ASB4: variants seen among roughly 807,000 people sequenced by gnomAD.
ASB4 encodes ankyrin repeat and SOCS box protein 4.
Under a neutral mutation model 38.6 loss-of-function variants are expected in ASB4, and 35 were observed. The ratio of observed to expected loss-of-function variants is 0.91; its 90% CI spans 0.69 to 1.20. The LOEUF is 1.20. Among genes scored for constraint, ASB4 ranks in the 50% most tolerant of loss-of-function variants. The pLI, the probability that ASB4 is intolerant of heterozygous loss-of-function variation, is 0.00. For missense variants in ASB4, 557 were observed against 527.2 expected, an observed-to-expected ratio of 1.06 and a Z score of -0.55; for synonymous variants, 195 against 201.3, an observed-to-expected ratio of 0.97 and a Z score of 0.26.
At chr7:95,520,027 G>A (rs1341363905) in intron 2 of ASB4, among the ~76,000 whole-genome samples, 3 of 152,152 alleles carry the variant, frequency 2.0e-5, no homozygotes, top group Non-Finnish European at 4.4e-5. Flanking sequence ...GAGATGAAAT[G>A]GGTAGGTTCA....
the ASB4 span, among the ~76,000 whole-genome samples, chr7:95,550,102 C>T: frequency 6.6e-6 from 1 of 152,166 alleles, no homozygotes; most frequent in Admixed American, 6.5e-5. Context: ...CTTTATGAAC[C>T]ATGGTTTACA....
intron 2 of ASB4, among the ~76,000 whole-genome samples, chr7:95,527,451 T>C (rs893735282): frequency 1.1e-4 from 16 of 152,238 alleles, no homozygotes; most frequent in African/African-American, 3.9e-4. Flanking sequence ...TTTAATGATA[T>C]TAGCAAATAT....
the ASB4 span, among the ~76,000 whole-genome samples, chr7:95,547,297 TAAATTCC>T: frequency 2.0e-5 from 3 of 152,222 alleles, no homozygotes; most frequent in Non-Finnish European, 4.4e-5. Context: ...CTCTTTCTAG[TAAATTCC>T]TATCTCCCAC....
chr7:95,490,327 G>A (rs1790153410), intron 1 of ASB4, among the ~76,000 whole-genome samples: 1 of 152,004 alleles, frequency 6.6e-6, no homozygotes, highest in Non-Finnish European at 1.5e-5. Context: ...CCATCCTAGG[G>A]TTCTTTTCCT....
rs752392005 is a variant in ASB4 at position 95,496,047 on chromosome 7, G to C, written c.477G>C (p.Leu159Phe). The C allele has an allele frequency of 1.9e-6, 3 of 1,611,406 alleles. No homozygotes were observed. The highest frequency in any genetic ancestry group is 3.3e-5 in the Admixed American group (2 of 59,964). ...GTTCCATTCTCTGTGCCAAGCAATT[G>C]GTTTGGAGAGGTAAGCCTTTCTGGG... The part of the protein sequence containing the change: ...TPSSILCAKQ[L>F]VWRGANVNMK... Residue 159 changes from leucine (L) to phenylalanine (F), a missense_variant, in exon 2 of 5, where the codon TTG becomes TTC. Coordinates refer to ENST00000325885, the MANE Select transcript of ASB4 (RefSeq NM_016116.3).
chr7:95,507,568 C>T (rs1790427011), intron 2 of ASB4, among the ~76,000 whole-genome samples: 1 of 152,108 alleles, frequency 6.6e-6, no homozygotes, highest in African/African-American at 2.4e-5. Flanking sequence ...TTAGTAACTG[C>T]CTCCCTCACT....
chr7:95,527,058 A>T (rs1311760992), intron 2 of ASB4, among the ~76,000 whole-genome samples: 1 of 152,220 alleles, frequency 6.6e-6, no homozygotes, highest in East Asian at 1.9e-4. Flanking sequence ...CCATAAATAA[A>T]ACATTTTGCA....
chr7:95,510,121 T>A (rs1489578343), intron 2 of ASB4, among the ~76,000 whole-genome samples: 1 of 151,152 alleles, frequency 6.6e-6, no homozygotes, highest in African/African-American at 2.4e-5. Context: ...TTTAAAGGCT[T>A]TTCTTAAAAA....
chr7:95,537,721 A>C lies in ASB4; in HGVS notation c.1243A>C (p.Lys415Gln), dbSNP rs149668942. The C allele has an allele frequency of 6.2e-7, 1 of 1,613,906 alleles. No homozygotes were observed. The highest frequency in any genetic ancestry group is 8.5e-7 in the Non-Finnish European group (1 of 1,179,860). Residue 415 changes from lysine to glutamine, a missense_variant, in exon 5 of 5, where the codon AAG becomes CAG. Physicochemically the swap from Lys to Gln is moderately conservative, Grantham distance 53. Coordinates refer to ENST00000325885, the MANE Select transcript of ASB4 (RefSeq NM_016116.3). ...PLLSLPLSLK[K>Q]YLLLEPEGII... ...GCTTTCCCTCCCATTGTCATTGAAA[A>C]AGTACTTGCTTTTAGAGCCAGAGGG...
At position 95,528,310 on chromosome 7, in the gene ASB4, C is replaced by T. The variant is rs1354781791; in HGVS notation, c.978+7C>T. The T allele has an allele frequency of 4.3e-6, 7 of 1,614,076 alleles. No individual in the cohort carries two copies. The highest frequency in any genetic ancestry group is 5.9e-6 in the Non-Finnish European group (7 of 1,180,022). ...CCCTCCACAGTTCCATAAGGTGAGG[C>T]TCTGCCCAGTGGTCAGCAGGTTGAG... On this transcript the variant is annotated splice_region_variant and intron_variant, in intron 3 of 4. Coordinates refer to ENST00000325885, the MANE Select transcript of ASB4 (RefSeq NM_016116.3).
intron 1 of ASB4, 73 bp from the exon 2 acceptor site, chr7:95,495,685 A>G (rs1790234517): frequency 6.9e-7 from 1 of 1,443,338 alleles, no homozygotes; most frequent in African/African-American, 1.4e-5. Flanking sequence ...ACTTGTAAAA[A>G]TCCTCACAAA....
At chr7:95,515,439 C>G (rs1446658003) in intron 2 of ASB4, among the ~76,000 whole-genome samples, 1 of 127,088 alleles carries the variant, frequency 7.9e-6, no homozygotes, top group Non-Finnish European at 1.6e-5. Flanking sequence ...TTTTTTAAGA[C>G]AGAGTCTCAT....
chr7:95,531,831 T>A (rs1790823455), intron 3 of ASB4, among the ~76,000 whole-genome samples: 1 of 152,198 alleles, frequency 6.6e-6, no homozygotes, highest in African/African-American at 2.4e-5. Context: ...CTGGCTTTTC[T>A]TGGTAGCTCC....
chr7:95,497,354 C>T (rs899169189), intron 2 of ASB4, among the ~76,000 whole-genome samples: 4 of 151,954 alleles, frequency 2.6e-5, no homozygotes, highest in African/African-American at 7.3e-5. Context: ...GATGGGTTTG[C>T]AATACATTTT....
rs948770763 is a variant in ASB4, at chr7:95,538,717, C to T, written c.*958C>T. The T allele has an allele frequency of 1.3e-5, 2 of 151,992 alleles. No individual in the cohort carries two copies. Among genetic ancestry groups the T allele is most frequent in the African/African-American group, 4.8e-5 (2 of 41,374 alleles). The allele number at this position is 151,992 out of a possible 1,614,324, so 9.4% of individuals were successfully genotyped here. A position where few individuals can be genotyped will look rare whatever the true frequency, so the allele number is the denominator to read the frequency against. ...GTTTCTTGGTTAGTATTAATACTTT[C>T]CCAGACTCCTTGAGAAAAATATTGC... On this transcript the variant is annotated 3_prime_UTR_variant, in exon 5 of 5. Transcript: ENST00000325885.
upstream of ASB4, among the ~76,000 whole-genome samples, chr7:95,484,126 G>GATC (rs202006482): frequency 0.032 from 4,822 of 151,898 alleles, 244 homozygotes; most frequent in African/African-American, 0.11. Flanking sequence ...TTAGGAGTCG[G>GATC]AGATCAGCCG....
At chr7:95,530,433 T>A (rs1165772208) in intron 3 of ASB4, among the ~76,000 whole-genome samples, 1 of 152,048 alleles carries the variant, frequency 6.6e-6, no homozygotes, top group Admixed American at 6.6e-5. Context: ...CCACTGCACT[T>A]CACCCTGGGT....
At chr7:95,487,384 G>A (rs1023082507) in intron 1 of ASB4, among the ~76,000 whole-genome samples, 3 of 152,150 alleles carry the variant, frequency 2.0e-5, no homozygotes, top group African/African-American at 7.2e-5. Context: ...TTTGTTCAGT[G>A]ATAGAATGTC....
chr7:95,495,707 G>A, intron 1 of ASB4, 51 bp from the exon 2 acceptor site: 1 of 1,519,164 alleles, frequency 6.6e-7, no homozygotes, highest in South Asian at 1.3e-5. Context: ...CAGGGAGAAA[G>A]CCTAGGTCAA....
Sources: allele counts gnomAD v4.1 joint callset (sites outside exome capture counted in the v4.1 genomes callset), GRCh38; gene constraint gnomAD v4.1.1; transcripts MANE v1.5; gene names NCBI Gene and HGNC (gene_info 2026-07-23, HGNC 2026-07-21).